Variants in GNAL observed in about 807,000 individuals in gnomAD.
GNAL encodes the protein G protein subunit alpha L.
A neutral mutation model predicts 55.1 loss-of-function variants in GNAL; 18 were observed. That is an observed-to-expected ratio of 0.33 (90% CI 0.23 to 0.48). The LOEUF (loss-of-function observed/expected upper bound fraction) is 0.48. GNAL is among the 20% of genes least tolerant of loss of function. The pLI is 0.99. For synonymous variants in GNAL, 253 were observed against 237.0 expected, an observed-to-expected ratio of 1.07 and a Z score of -0.62; for missense variants, 412 against 614.1, an observed-to-expected ratio of 0.67 and a Z score of 3.48.
chr18:11,692,764 G>A (rs1427493669), intron 1 of GNAL, among the ~76,000 whole-genome samples: 1 of 151,452 alleles, frequency 6.6e-6, no homozygotes, highest in Non-Finnish European at 1.5e-5. Context: ...AAAAAAATAC[G>A]AAAATTAGCT....
At chr18:11,802,553 G>A (rs1366545445) in intron 4 of GNAL, among the ~76,000 whole-genome samples, 1 of 152,204 alleles carries the variant, frequency 6.6e-6, no homozygotes, top group Non-Finnish European at 1.5e-5. Flanking sequence ...TCCTGAAGCA[G>A]AGCTCTGGGA....
At chr18:11,786,104 T>C (rs533095946) in intron 4 of GNAL, among the ~76,000 whole-genome samples, 1 of 152,264 alleles carries the variant, frequency 6.6e-6, no homozygotes, top group South Asian at 2.1e-4. Flanking sequence ...CTGTCGGCCT[T>C]TTGTGTGCTT....
chr18:11,692,940 C>T (rs1803726501), intron 1 of GNAL, among the ~76,000 whole-genome samples: 1 of 152,066 alleles, frequency 6.6e-6, no homozygotes, highest in South Asian at 2.1e-4. Context: ...AGCCACCATG[C>T]TCTACCTGGA....
rs1567918858 is a variant in GNAL at position 11,884,646 on chromosome 18, A to AGTT, written c.*3512_*3514dup. On this transcript the variant is annotated 3_prime_UTR_variant, in exon 12 of 12. Transcript: ENST00000334049. ...TGCTACCCTGGAAAGGAGAAGGGAA[A>AGTT]GTTATGCTGAGAGCACCAGGCACAC... 6.2e-7 allele frequency: 1 copy of AGTT among 1,610,064 alleles called. No homozygotes were observed. The highest frequency in any genetic ancestry group is 8.5e-7 in the Non-Finnish European group (1 of 1,177,236).
intron 5 of GNAL, among the ~76,000 whole-genome samples, chr18:11,848,165 G>A (rs986565961): frequency 6.6e-6 from 1 of 152,186 alleles, no homozygotes; most frequent in Non-Finnish European, 1.5e-5. Context: ...AAATCTCTCC[G>A]TGGAAATGTG....
intron 1 of GNAL, 40 bp downstream of exon 1, chr18:11,689,979 A>G (rs2031186033): frequency 1.7e-6 from 2 of 1,159,418 alleles, no homozygotes; most frequent in African/African-American, 1.9e-5. Flanking sequence ...CCCCGGGGAC[A>G]GCGCGCCGGG....
At position 11,751,014 on chromosome 18, in the gene GNAL, TCTC is replaced by T. The variant is rs574769402; in HGVS notation, c.377-1836_377-1834del. Among the ~76,000 whole-genome samples the T allele has an allele frequency of 1.6e-3, 246 of 152,060 alleles. 1 individual carries two copies. The highest frequency in any genetic ancestry group is 5.8e-3 in the African/African-American group (241 of 41,478). Reference sequence around the variant, plus strand: ...GGAGCCGGGGCGGGCTGGGGTCTGTTCTCCTGAAGAAGGCCAGCTCCGCAGTGA... The same window carrying T: ...GGAGCCGGGGCGGGCTGGGGTCTGTTCTGAAGAAGGCCAGCTCCGCAGTGA... On this transcript the variant is annotated intron_variant, in intron 1 of 11. Coordinates refer to ENST00000334049, the MANE Select transcript of GNAL (RefSeq NM_182978.4). This position sits in a 1 kb window ranked among gnomAD's most constrained non-coding sequence, Gnocchi z 4.5.
intron 4 of GNAL, among the ~76,000 whole-genome samples, chr18:11,816,379 C>T (rs890000126): frequency 3.9e-5 from 6 of 152,048 alleles, no homozygotes; most frequent in Non-Finnish European, 8.8e-5. Flanking sequence ...TCACTGCAGC[C>T]TCTGCCTCCC....
rs1442931951 is a variant in GNAL, at chr18:11,822,661, C to T, written c.625-2257C>T. On this transcript the variant is annotated intron_variant, in intron 4 of 11. Coordinates refer to ENST00000334049, the MANE Select transcript of GNAL (RefSeq NM_182978.4). ...ATCAATTTCTCAACCCTCTCACTGA[C>T]CTCTAGCCACATGCCTGTTAGCTCT... Among the ~76,000 whole-genome samples the T allele has an allele frequency of 2.6e-5, 4 of 152,266 alleles. No homozygotes were observed. The East Asian group carries it at 7.7e-4, about 29-fold the overall frequency.
Position 11,751,617 on chromosome 18 carries a change from G to A in GNAL, c.377-1236G>A. 2 of 985,384 alleles carry A rather than the reference G, an allele frequency of 2.0e-6. No homozygotes were observed. The highest frequency in any genetic ancestry group is 2.4e-6 in the Non-Finnish European group (2 of 829,956). 61.0% of individuals were successfully genotyped at this position (985,384 alleles called of 1,614,324 possible). ...CGAGCCAACACGGGGCGCGCGCCCAGACGCACTTTCCCGGCTCGGGGTGCA... is the reference window on the plus strand; with the variant it reads ...CGAGCCAACACGGGGCGCGCGCCCAAACGCACTTTCCCGGCTCGGGGTGCA... On this transcript the variant is annotated intron_variant, in intron 1 of 11. Transcript: ENST00000334049. This position sits in a 1 kb window ranked among gnomAD's most constrained non-coding sequence, Gnocchi z 4.5.
chr18:11,842,918 C>G (rs368922609), intron 5 of GNAL, among the ~76,000 whole-genome samples: 9 of 152,156 alleles, frequency 5.9e-5, no homozygotes, highest in Admixed American at 4.6e-4. Context: ...TTGACTGTTT[C>G]ACTGTTGAGT....
At chr18:11,706,368 T>A (rs1238641890) in intron 1 of GNAL, among the ~76,000 whole-genome samples, 1 of 152,216 alleles carries the variant, frequency 6.6e-6, no homozygotes, top group Non-Finnish European at 1.5e-5. Flanking sequence ...TAAAAAGTGC[T>A]AACGATCATC....
At chr18:11,771,749 C>CT (rs147925621) in intron 4 of GNAL, among the ~76,000 whole-genome samples, 24,657 of 151,958 alleles carry the variant, frequency 0.16, 2,159 homozygotes, top group East Asian at 0.32. Flanking sequence ...GAGTCGCACT[C>CT]TGTCACCCAG....
intron 1 of GNAL, among the ~76,000 whole-genome samples, chr18:11,734,915 C>T (rs540149781): frequency 2.7e-5 from 4 of 146,814 alleles, no homozygotes; most frequent in East Asian, 2.0e-4. Context: ...AGTATAGAAC[C>T]GGTTTGATGG....
chr18:11,693,809 A>G (rs2035194), intron 1 of GNAL, among the ~76,000 whole-genome samples: 44,111 of 137,814 alleles, frequency 0.32, 10,104 homozygotes, highest in African/African-American at 0.67. Flanking sequence ...TTGAGGCCAG[A>G]AGTTGAAGAC....
chr18:11,880,001 G>A (rs1484061955), intron 11 of GNAL, among the ~76,000 whole-genome samples: 6 of 151,436 alleles, frequency 4.0e-5, no homozygotes, highest in African/African-American at 1.4e-4. Flanking sequence ...GCTCACGCCT[G>A]TAATCCCAGC....
At chr18:11,734,576 A>T (rs951650972) in intron 1 of GNAL, among the ~76,000 whole-genome samples, 1 of 151,646 alleles carries the variant, frequency 6.6e-6, no homozygotes, top group Admixed American at 6.6e-5. Context: ...TTTCTGAGAG[A>T]TTAGCAATAG....
intron 4 of GNAL, among the ~76,000 whole-genome samples, chr18:11,796,925 CT>C (rs2034405022): frequency 6.6e-6 from 1 of 151,978 alleles, no homozygotes; most frequent in Admixed American, 6.6e-5. Flanking sequence ...TTACAGCTCT[CT>C]GGTTTTCTTT....
At chr18:11,856,795 AT>A (rs1260884030) in intron 5 of GNAL, among the ~76,000 whole-genome samples, 3 of 152,070 alleles carry the variant, frequency 2.0e-5, no homozygotes, top group Non-Finnish European at 4.4e-5. Context: ...GCCAGGCATG[AT>A]GGTGCACACC....
Sources: allele counts gnomAD v4.1 joint callset (sites outside exome capture counted in the v4.1 genomes callset), GRCh38; gene constraint gnomAD v4.1.1; non-coding constraint Gnocchi (gnomAD v3.1); transcripts MANE v1.5; gene names NCBI Gene and HGNC (gene_info 2026-07-23, HGNC 2026-07-21).